Variants in BANK1 observed in about 807,000 individuals in gnomAD.
BANK1 encodes B cell scaffold protein with ankyrin repeats 1, also known as B-cell scaffold protein with ankyrin repeats.
A neutral mutation model predicts 94.5 loss-of-function variants in BANK1; 95 were observed. The ratio of observed to expected loss-of-function variants is 1.00; its 90% CI spans 0.85 to 1.19. The LOEUF is 1.19. BANK1 is among the 50% of genes most tolerant of loss of function. The probability of loss-of-function intolerance (pLI) is 0.00; values close to 1 mark genes in which losing one functional copy is unlikely to be tolerated. For synonymous variants in BANK1, 334 were observed against 308.4 expected, an observed-to-expected ratio of 1.08 and a Z score of -0.87; for missense variants, 987 against 932.2, an observed-to-expected ratio of 1.06 and a Z score of -0.77.
intron 11 of BANK1, among the ~76,000 whole-genome samples, chr4:102,051,467 C>A (rs1232724248): frequency 6.6e-6 from 1 of 151,968 alleles, no homozygotes; most frequent in Non-Finnish European, 1.5e-5. Flanking sequence ...TCAAAGCACA[C>A]ACAAAAAAGA....
chr4:101,927,779 G>A (rs1329962688), intron 7 of BANK1, among the ~76,000 whole-genome samples: 1 of 151,730 alleles, frequency 6.6e-6, no homozygotes, highest in African/African-American at 2.4e-5. Context: ...GGTTTGTTAA[G>A]AAAAATCAGG....
intron 7 of BANK1, among the ~76,000 whole-genome samples, chr4:101,950,048 T>C (rs1724082844): frequency 7.2e-6 from 1 of 139,500 alleles, no homozygotes; most frequent in Non-Finnish European, 1.5e-5. Flanking sequence ...TGTGTGTGTG[T>C]GTGTGTGTGT....
At chr4:101,822,868 G>T (rs879705578) in intron 1 of BANK1, among the ~76,000 whole-genome samples, 19 of 152,114 alleles carry the variant, frequency 1.2e-4, no homozygotes, top group Non-Finnish European at 2.4e-4. Flanking sequence ...GCCCGCCTCG[G>T]CCTCCCAGAG....
At chr4:101,936,975 G>T (rs1028831439) in intron 7 of BANK1, among the ~76,000 whole-genome samples, 1 of 151,546 alleles carries the variant, frequency 6.6e-6, no homozygotes, top group Non-Finnish European at 1.5e-5. Context: ...AAGGAAATCA[G>T]TATTTTGAAG....
chr4:101,905,350 G>A (rs1722414066), intron 6 of BANK1, among the ~76,000 whole-genome samples: 1 of 152,244 alleles, frequency 6.6e-6, no homozygotes, highest in Admixed American at 6.5e-5. Context: ...GCTGTGGTGG[G>A]GGACAGACAT....
chr4:102,057,336 CTT>C (rs1284850618), intron 11 of BANK1, among the ~76,000 whole-genome samples: 1 of 150,638 alleles, frequency 6.6e-6, no homozygotes, highest in East Asian at 2.0e-4. Context: ...CTCTCTCTCT[CTT>C]TCTCTCTCTC....
intron 6 of BANK1, among the ~76,000 whole-genome samples, chr4:101,916,714 A>G (rs1722841239): frequency 6.6e-6 from 1 of 152,002 alleles, no homozygotes; most frequent in Non-Finnish European, 1.5e-5. Flanking sequence ...TCCCCCAGAC[A>G]TTTTATTCTA....
intron 6 of BANK1, among the ~76,000 whole-genome samples, chr4:101,909,448 G>A (rs568531490): frequency 2.0e-5 from 3 of 152,102 alleles, no homozygotes; most frequent in Non-Finnish European, 2.9e-5. Context: ...TGTAAATGTC[G>A]AGTTAATGGG....
At chr4:102,057,370 T>C (rs1039930801) in intron 11 of BANK1, among the ~76,000 whole-genome samples, 1 of 85,064 alleles carries the variant, frequency 1.2e-5, no homozygotes, top group African/African-American at 6.1e-5. Flanking sequence ...CTCTCTCTCT[T>C]TTTTTTTCTT....
rs748272294 is a variant in BANK1 at position 102,025,217 on chromosome 4, A to G, written c.1302A>G (p.Ala434=). 6.2e-7 allele frequency: 1 copy of G among 1,614,158 alleles called. No individual in the cohort carries two copies. The highest frequency in any genetic ancestry group is 8.5e-7 in the Non-Finnish European group (1 of 1,179,998). ...STYIPSTQNP[A]FHHESRKTYG... is the part of the protein sequence containing the mutation. ...CATAAACAGCCACACAGAACCCAGC[A>G]TTTCATCATGAAAGCAGGAAGACAT... The change falls in exon 9 of 17, where the codon GCA becomes GCG. Residue 434 remains alanine (A), a synonymous_variant. Transcript: ENST00000322953.
intron 7 of BANK1, among the ~76,000 whole-genome samples, chr4:101,951,606 C>T (rs907819403): frequency 6.6e-6 from 1 of 151,866 alleles, no homozygotes; most frequent in Non-Finnish European, 1.5e-5. Context: ...AAAACAAATC[C>T]TTAGATTTAC....
chr4:101,852,838 G>A (rs940042047), intron 2 of BANK1, among the ~76,000 whole-genome samples: 5 of 151,882 alleles, frequency 3.3e-5, no homozygotes, highest in Admixed American at 1.3e-4. Context: ...TTGTGATTAT[G>A]TCCCCAGGGT....
At position 102,065,448 on chromosome 4, in the gene BANK1, C is replaced by A. The variant is rs141831755; in HGVS notation, c.2212+2310C>A. On this transcript the variant is annotated intron_variant, in intron 13 of 16. Coordinates refer to ENST00000322953, the MANE Select transcript of BANK1 (RefSeq NM_017935.5). ...ACAGTAATTGAGTTGCCTACTAAAA[C>A]GAGAACTACCGTCATCAGAAGAATA... 1.9e-3 allele frequency among the ~76,000 whole-genome samples: 294 copies of A among 152,146 alleles called. 1 individual carries two copies. The highest frequency in any genetic ancestry group is 6.8e-3 in the African/African-American group (284 of 41,510).
intron 7 of BANK1, among the ~76,000 whole-genome samples, chr4:102,002,281 G>T (rs1477108521): frequency 6.6e-6 from 1 of 151,590 alleles, no homozygotes; most frequent in African/African-American, 2.4e-5. Flanking sequence ...GAAAGGCTTC[G>T]TTTTTAAATC....
At chr4:102,037,038 T>C (rs1034754074) in intron 10 of BANK1, 10 of 152,258 alleles carry the variant, frequency 6.6e-5, no homozygotes, top group African/African-American at 2.4e-4. Flanking sequence ...CAATGAATTC[T>C]GGTCTTTTTC....
At position 101,994,840 on chromosome 4, in the gene BANK1, G is replaced by A. The variant is rs571166061; in HGVS notation, c.1207-26674G>A. On this transcript the variant is annotated intron_variant, in intron 7 of 16. Coordinates refer to ENST00000322953, the MANE Select transcript of BANK1 (RefSeq NM_017935.5). ...CACAGAGAAGTTTCATGGGGTCACA[G>A]CTGAGAAGCCAATCATTTTACAAGG... Among the ~76,000 whole-genome samples, 17 of 152,244 alleles carry A rather than the reference G, an allele frequency of 1.1e-4. No homozygotes were observed. In the South Asian group the frequency reaches 3.5e-3, roughly 32 times the overall value.
chr4:102,020,669 A>G (rs1049625152), intron 7 of BANK1, among the ~76,000 whole-genome samples: 4 of 152,246 alleles, frequency 2.6e-5, no homozygotes, highest in East Asian at 1.9e-4. Context: ...GGATGCTTCT[A>G]ATTTTTGAAG....
intron 3 of BANK1, among the ~76,000 whole-genome samples, chr4:101,861,390 T>C (rs1350923264): frequency 1.3e-5 from 2 of 152,166 alleles, no homozygotes; most frequent in Admixed American, 1.3e-4. Context: ...AGAAACATGA[T>C]TTTATAAGAG....
chr4:101,855,135 T>C lies in BANK1; in HGVS notation c.570T>C (p.Ala190=), dbSNP rs767566505. 1.2e-5 allele frequency: 19 copies of C among 1,613,682 alleles called. No individual in the cohort carries two copies. Among genetic ancestry groups the C allele is most frequent in the Non-Finnish European group, 1.6e-5 (19 of 1,179,756 alleles). ...AGGAAATTGAAGAACTATCAGAAGC[T>C]TCAAGAAACACCATACCACTAGCAG... ...ERKEIEELSE[A]SRNTIPLAVV... The change falls in exon 3 of 17, where the codon GCT becomes GCC. Residue 190 remains alanine, a synonymous_variant. Transcript: ENST00000322953.
Sources: gnomAD v4.1 joint callset for allele counts (sites outside exome capture counted in the v4.1 genomes callset) on GRCh38, gnomAD v4.1.1 for gene constraint, MANE v1.5 for transcripts, NCBI Gene and HGNC (gene_info 2026-07-23, HGNC 2026-07-21) for gene names.